IFT172: variants seen among roughly 807,000 people sequenced by gnomAD.
The protein encoded by IFT172 is intraflagellar transport 172, also known as intraflagellar transport protein 172 homolog.
Under a neutral mutation model 248.9 loss-of-function variants are expected in IFT172, and 164 were observed. The observed-to-expected ratio is 0.66, with a 90% CI of 0.58 to 0.75. The LOEUF (loss-of-function observed/expected upper bound fraction) is 0.75, where lower values mean the gene tolerates loss of function less well. Among genes scored for constraint, IFT172 ranks in the 30% least tolerant of loss-of-function variants. The probability of loss-of-function intolerance (pLI) is 0.00; values close to 1 mark genes in which losing one functional copy is unlikely to be tolerated. For missense variants in IFT172, 1,950 were observed against 2,192.4 expected (o/e 0.89, Z 2.21); for synonymous variants, 729 against 791.6 (o/e 0.92, Z 1.33).
chr2:27,480,107 T>C lies in IFT172; in HGVS notation c.828A>G (p.Glu276=), dbSNP rs1668255426. ...FNWIPRRSIW[E]EAKPKEITNL... ...TGGTAATCTCCTTGGGCTTTGCCTC[T>C]TCCCAGATGCTTCTTCGAGGGATCC... Residue 276 remains glutamate (E), a synonymous_variant, in exon 9 of 48, where the codon GAA becomes GAG. Transcript: ENST00000260570. 1 of 1,614,090 alleles carries C rather than the reference T, an allele frequency of 6.2e-7. No individual in the cohort carries two copies. The highest frequency in any genetic ancestry group is 1.3e-5 in the African/African-American group (1 of 75,052).
chr2:27,461,207 T>C (rs2148505910), intron 22 of IFT172, 62 bp downstream of exon 22: 1 of 1,612,284 alleles, frequency 6.2e-7, no homozygotes, highest in Non-Finnish European at 8.5e-7. Context: ...CCAAGACTCC[T>C]CTGGGTAAGG....
intron 14 of IFT172, among the ~76,000 whole-genome samples, chr2:27,472,643 T>C (rs1572799665): frequency 6.6e-6 from 1 of 152,176 alleles, no homozygotes; most frequent in East Asian, 1.9e-4. Context: ...ACATTAAAGA[T>C]AAGCCTGATA....
At chr2:27,452,124 G>A (rs13385980) in intron 35 of IFT172, among the ~76,000 whole-genome samples, 2,025 of 152,182 alleles carry the variant, frequency 0.013, 43 homozygotes, top group African/African-American at 0.046. Context: ...TAAATTGGTA[G>A]ACTGAGTAAA....
intron 26 of IFT172, 121 bp from the exon 27 acceptor site, chr2:27,458,344 G>A: frequency 1.3e-6 from 1 of 785,694 alleles, no homozygotes; most frequent in South Asian, 1.5e-5. Flanking sequence ...TTTGGGTATT[G>A]CCACTCTACT....
Position 27,458,770 on chromosome 2 carries a change from C to A in IFT172, c.2877+9G>T. On this transcript the variant is annotated intron_variant, in intron 26 of 47. Transcript: ENST00000260570. Reference sequence around the variant, plus strand: ...GAGTTCTCTTATCATGAACTCCACCCATCCCTACCTTGTGGGCTTGTTCCC... The same window carrying A: ...GAGTTCTCTTATCATGAACTCCACCAATCCCTACCTTGTGGGCTTGTTCCC... The A allele has an allele frequency of 6.2e-7, 1 of 1,613,668 alleles. No homozygotes were observed. The highest frequency in any genetic ancestry group is 1.1e-5 in the South Asian group (1 of 91,016).
At chr2:27,473,304 A>G (rs1481962140) in intron 14 of IFT172, among the ~76,000 whole-genome samples, 2 of 141,014 alleles carry the variant, frequency 1.4e-5, no homozygotes, top group African/African-American at 2.6e-5. Flanking sequence ...CGGGAGGCAG[A>G]GCTTGCAGTG....
intron 10 of IFT172, among the ~76,000 whole-genome samples, chr2:27,478,448 A>G (rs1668122652): frequency 6.6e-6 from 1 of 152,204 alleles, no homozygotes; most frequent in South Asian, 2.1e-4. Flanking sequence ...CAAACCTTAT[A>G]TATCATTGAT....
chr2:27,475,806 T>A (rs1667916455), intron 14 of IFT172, among the ~76,000 whole-genome samples: 1 of 151,828 alleles, frequency 6.6e-6, no homozygotes, highest in Non-Finnish European at 1.5e-5. Context: ...AATTAATTTC[T>A]TTTTTCATAG....
chr2:27,471,084 A>G lies in IFT172; in HGVS notation c.1536T>C (p.Tyr512=). 1 of 1,608,104 alleles carries G rather than the reference A, an allele frequency of 6.2e-7. No individual in the cohort carries two copies. Among genetic ancestry groups the G allele is most frequent in the Non-Finnish European group, 8.5e-7 (1 of 1,178,636 alleles). Residue 512 remains tyrosine, a synonymous_variant, in exon 16 of 48, where the codon TAT becomes TAC. Coordinates refer to ENST00000260570, the MANE Select transcript of IFT172 (RefSeq NM_015662.3). The part of the protein sequence containing the change: ...FRDRKLRLHL[Y]DIESCSKTMI... ...TTGTCTTAGAGCAGCTTTCAATATC[A>G]TACAGATGCAACTGAAGAAAGAAAA...
Position 27,456,607 on chromosome 2 carries a change from T to C in IFT172, c.3275A>G (p.Tyr1092Cys), listed in dbSNP as rs1317947227. The change falls in exon 30 of 48, where the codon TAT becomes TGT. Residue 1092 changes from tyrosine (Y) to cysteine (C), a missense_variant. Physicochemically the swap from Tyr to Cys is radical, Grantham distance 194. This residue lies in a region of IFT172 where 164 missense variants were observed against 239.3 expected (regional missense o/e 0.69). Transcript: ENST00000260570. ...TCCTCCCAGGCTCTTTGCCCACAGA[T>C]AGGCCACGTGTTTGTGGGCATTAGC... ...GGANAHKHVA[Y>C]LWAKSLGGEA... The C allele has an allele frequency of 1.2e-6, 2 of 1,614,064 alleles. No individual in the cohort carries two copies. Among genetic ancestry groups the C allele is most frequent in the Non-Finnish European group, 1.7e-6 (2 of 1,180,028 alleles).
At position 27,449,494 on chromosome 2, in the gene IFT172, C is replaced by T; in HGVS notation, c.4224+5G>A. 6.2e-7 allele frequency: 1 copy of T among 1,614,178 alleles called. No individual in the cohort carries two copies. Among genetic ancestry groups the T allele is most frequent in the Non-Finnish European group, 8.5e-7 (1 of 1,180,032 alleles). On this transcript the variant is annotated splice_donor_5th_base_variant and intron_variant, in intron 38 of 47. Transcript: ENST00000260570. ...TCTGCCTCCTGCTAACTCTCCAAGT[C>T]TCACCGAGTCCACTTTGCCCTGATT...
In IFT172 at chr2:27,461,450, T is replaced by C. The variant is rs1466900344; in HGVS notation, c.2261A>G (p.Glu754Gly). 9 of 1,613,998 alleles carry C rather than the reference T, an allele frequency of 5.6e-6. No individual in the cohort carries two copies. The highest frequency in any genetic ancestry group is 3.3e-5 in the Admixed American group (2 of 59,992). ...GCTCTCCTGTAGTTCACCTGCTCGC[T>C]CCTCTTGCTGTGTGTCCATCAGCCA... ...YQWLMDTQQE[E>G]RAGELQESQG... is the part of the protein sequence containing the mutation. Residue 754 changes from glutamate to glycine, a missense_variant, in exon 22 of 48, where the codon GAG becomes GGG. Coordinates refer to ENST00000260570, the MANE Select transcript of IFT172 (RefSeq NM_015662.3).
chr2:27,472,940 A>G (rs1294344610), intron 14 of IFT172, among the ~76,000 whole-genome samples: 2 of 152,190 alleles, frequency 1.3e-5, no homozygotes, highest in African/African-American at 4.8e-5. Flanking sequence ...AAGCCTATTT[A>G]TAAGTTTTAG....
At chr2:27,446,114 G>T in intron 43 of IFT172, 126 bp from the exon 44 acceptor site, 1 of 1,386,450 alleles carries the variant, frequency 7.2e-7, no homozygotes, top group Non-Finnish European at 1.0e-6. Context: ...GATCCAGGGA[G>T]AAAAATCCAG....
intron 40 of IFT172, 23 bp from the exon 41 acceptor site, chr2:27,447,945 G>C: frequency 7.2e-7 from 1 of 1,387,576 alleles, no homozygotes; most frequent in Non-Finnish European, 1.0e-6. Context: ...GGAAGAAGGG[G>C]ATCTGAGAAG....
chr2:27,480,969 G>T, intron 8 of IFT172, 77 bp downstream of exon 8: 3 of 1,142,294 alleles, frequency 2.6e-6, no homozygotes, highest in Non-Finnish European at 3.9e-6. Context: ...TCGCACTCTG[G>T]CTCAGAATAA....
chr2:27,447,915 T>C lies in IFT172; in HGVS notation c.4436A>G (p.Asn1479Ser), dbSNP rs757946737. Residue 1479 changes from asparagine to serine, a missense_variant, in exon 41 of 48, where the codon AAT (asparagine) becomes AGT (serine). By Grantham distance (46) the Asn-to-Ser change is conservative (BLOSUM62 1). This residue lies in a region of IFT172 where 620 missense variants were observed against 699.0 expected (regional missense o/e 0.89). Transcript: ENST00000260570. ...GTCAGTGAAGATCCTTTTGTAGATA[T>C]TGAAGTTCTAGAGGTAGAGGGAAGA... is the stretch of plus-strand genomic sequence containing the variant. ...HGAPANPQNF[N>S]IYKRIFTDMV... 1.2e-5 allele frequency: 20 copies of C among 1,601,832 alleles called. No individual in the cohort carries two copies. Among genetic ancestry groups the C allele is most frequent in the African/African-American group, 1.1e-4 (8 of 74,582 alleles).
At position 27,485,553 on chromosome 2, in the gene IFT172, C is replaced by T. The variant is rs746171472; in HGVS notation, c.40-50G>A. On this transcript the variant is annotated intron_variant, in intron 1 of 47. Coordinates refer to ENST00000260570, the MANE Select transcript of IFT172 (RefSeq NM_015662.3). ...AAACCCATGTGCTGGTCTAGAATGC[C>T]AAAAGCATTTCTAGCTTCATTAATT... 4 of 1,601,594 alleles carry T rather than the reference C, an allele frequency of 2.5e-6. No homozygotes were observed. The South Asian group carries it at 4.4e-5, about 18-fold the overall frequency.
rs767163406 is a variant in IFT172, at chr2:27,449,041, G to A, written c.4312-10C>T. The A allele has an allele frequency of 1.1e-5, 16 of 1,480,918 alleles. No individual in the cohort carries two copies. The highest frequency in any genetic ancestry group is 3.4e-5 in the South Asian group (3 of 88,488). The allele number at this position is 1,480,918 out of a possible 1,614,324, so 91.7% of individuals were successfully genotyped here. A position where few individuals can be genotyped will look rare whatever the true frequency, so the allele number is the denominator to read the frequency against. On this transcript the variant is annotated splice_polypyrimidine_tract_variant and intron_variant, in intron 39 of 47. Transcript: ENST00000260570. Reference sequence around the variant, plus strand: ...GCAGAATCTTGTAGTTCTGTACAGGGGTGGAGGAAAAGCATGAGTGAGGCT... The same window carrying A: ...GCAGAATCTTGTAGTTCTGTACAGGAGTGGAGGAAAAGCATGAGTGAGGCT...
Sources: gnomAD v4.1 joint callset for allele counts (sites outside exome capture counted in the v4.1 genomes callset) on GRCh38, gnomAD v4.1.1 for gene constraint, gnomAD v4.1.1 regional missense constraint, MANE v1.5 for transcripts, NCBI Gene and HGNC (gene_info 2026-07-23, HGNC 2026-07-21) for gene names.